The following PTK2B variants were observed in gnomAD, a reference collection of about 807,000 sequenced individuals.
The protein encoded by PTK2B is protein-tyrosine kinase 2-beta.
PTK2B carries 71 observed loss-of-function variants against 142.9 expected under a neutral mutation model. The ratio of observed to expected loss-of-function variants is 0.50; its 90% CI spans 0.41 to 0.61. PTK2B has a LOEUF of 0.61. PTK2B is among the 20% of genes least tolerant of loss of function. The pLI is 0.00. For synonymous variants in PTK2B, 519 were observed against 503.4 expected, an observed-to-expected ratio of 1.03 and a Z score of -0.42; for missense variants, 1,105 against 1,320.4, an observed-to-expected ratio of 0.84 and a Z score of 2.53.
Position 27,458,642 on chromosome 8 carries a change from C to T in PTK2B, c.*133C>T, listed in dbSNP as rs1445043148. 1.8e-5 allele frequency: 16 copies of T among 886,758 alleles called. No individual in the cohort carries two copies. Among genetic ancestry groups the T allele is most frequent in the Admixed American group, 8.9e-5 (4 of 44,724 alleles). 54.9% of individuals were successfully genotyped at this position (886,758 alleles called of 1,614,324 possible). A position where few individuals can be genotyped will look rare whatever the true frequency, so the allele number is the denominator to read the frequency against. On this transcript the variant is annotated 3_prime_UTR_variant, in exon 31 of 31. Coordinates refer to ENST00000346049, the MANE Select transcript of PTK2B (RefSeq NM_173176.3). Reference sequence around the variant, plus strand: ...CACCTTCCCTTGCCACTTTGCACGACGCCCTCTCCCCACCCCTACCCCTGG... The same window carrying T: ...CACCTTCCCTTGCCACTTTGCACGATGCCCTCTCCCCACCCCTACCCCTGG...
upstream of PTK2B, chr8:27,311,452 T>G (rs1802968752): frequency 3.2e-6 from 2 of 619,320 alleles, no homozygotes; most frequent in South Asian, 2.3e-5. Context: ...GCGCGGGAAA[T>G]CTTGGGAGAG....
intron 1 of PTK2B, among the ~76,000 whole-genome samples, chr8:27,347,852 A>C (rs948703246): frequency 1.3e-5 from 2 of 152,190 alleles, no homozygotes; most frequent in Non-Finnish European, 2.9e-5. Context: ...CCTCTCATGC[A>C]TTTGACCCCA....
chr8:27,421,405 C>T (rs1008724605), intron 4 of PTK2B, among the ~76,000 whole-genome samples: 7 of 151,960 alleles, frequency 4.6e-5, no homozygotes, highest in African/African-American at 1.7e-4. Flanking sequence ...GATGTTGGTG[C>T]ACCCATCACC....
chr8:27,344,313 G>A (rs1804588211), intron 1 of PTK2B, among the ~76,000 whole-genome samples: 1 of 152,182 alleles, frequency 6.6e-6, no homozygotes, highest in Admixed American at 6.5e-5. Context: ...CACTATATCA[G>A]CAAGGCAGGT....
chr8:27,450,611 A>G (rs1047089433), intron 24 of PTK2B, 138 bp from the exon 25 acceptor site: 1 of 1,096,340 alleles, frequency 9.1e-7, no homozygotes. Flanking sequence ...TCTGGGTTTA[A>G]GAACAAACTT....
At chr8:27,353,790 G>T (rs183183976) in intron 1 of PTK2B, among the ~76,000 whole-genome samples, 323 of 152,336 alleles carry the variant, frequency 2.1e-3, no homozygotes, top group African/African-American at 7.0e-3. Context: ...GGGTGGCTCT[G>T]TAAGATATTT....
intron 30 of PTK2B, among the ~76,000 whole-genome samples, chr8:27,457,791 A>G (rs1162542480): frequency 6.6e-6 from 1 of 152,154 alleles, no homozygotes; most frequent in Admixed American, 6.5e-5. Flanking sequence ...CCTGGCCAAC[A>G]TGGTGAAACC....
chr8:27,381,106 T>C (rs1806991136), intron 1 of PTK2B, among the ~76,000 whole-genome samples: 1 of 152,238 alleles, frequency 6.6e-6, no homozygotes, highest in East Asian at 1.9e-4. Context: ...CAGAATGATA[T>C]TTGAATACAT....
intron 8 of PTK2B, 189 bp from the exon 9 acceptor site, chr8:27,431,209 A>G: frequency 6.8e-7 from 1 of 1,474,742 alleles, no homozygotes; most frequent in East Asian, 2.4e-5. Flanking sequence ...GTTGGCCTCC[A>G]GCTCTGGGAG....
At chr8:27,311,506 G>C in exon 1 of PTK2B, 1 of 527,416 alleles carries the variant, frequency 1.9e-6, no homozygotes, top group Non-Finnish European at 3.3e-6. Context: ...CTCAGGTCCG[G>C]GCGGGTCCCT....
chr8:27,454,556 T>C lies in PTK2B; in HGVS notation c.2759T>C (p.Leu920Pro). The C allele has an allele frequency of 6.2e-7, 1 of 1,614,186 alleles. No individual in the cohort carries two copies. Among genetic ancestry groups the C allele is most frequent in the Non-Finnish European group, 8.5e-7 (1 of 1,180,026 alleles). Residue 920 changes from leucine (L) to proline (P), a missense_variant, in exon 30 of 31, where the codon CTC (leucine) becomes CCC (proline). Physicochemically the swap from Leu to Pro is moderately conservative, Grantham distance 98. Coordinates refer to ENST00000346049, the MANE Select transcript of PTK2B (RefSeq NM_173176.3). The part of the protein sequence containing the change: ...VKNVGLTLRK[L>P]IGSVDDLLPS... ...AATGTGGGGCTGACCCTGCGGAAGC[T>C]CATCGGGAGCGTGGATGATCTCCTG...
chr8:27,454,403 GCCA>G, intron 29 of PTK2B, 112 bp downstream of exon 29: 1 of 1,555,478 alleles, frequency 6.4e-7, no homozygotes, highest in Non-Finnish European at 8.8e-7. Flanking sequence ...AGCAAGCTGG[GCCA>G]GGGGAATTGA....
intron 1 of PTK2B, among the ~76,000 whole-genome samples, chr8:27,377,076 C>T (rs1047935995): frequency 2.6e-5 from 4 of 152,162 alleles, no homozygotes; most frequent in African/African-American, 4.8e-5. Context: ...CAACTTGTGT[C>T]TCACAGCTCC....
At chr8:27,325,169 G>T (rs75316047), upstream of PTK2B, among the ~76,000 whole-genome samples, 1,509 of 152,294 alleles carry the variant, frequency 9.9e-3, 18 homozygotes, top group Non-Finnish European at 0.015. Flanking sequence ...ACTGCGGGGG[G>T]TCTTGGGAGA....
intron 1 of PTK2B, among the ~76,000 whole-genome samples, chr8:27,370,371 C>T (rs943578223): frequency 2.0e-5 from 3 of 152,176 alleles, no homozygotes; most frequent in African/African-American, 7.2e-5. Flanking sequence ...AATGAAGAGA[C>T]ATGTATATGT....
chr8:27,453,145 G>A lies in PTK2B; in HGVS notation c.2580G>A (p.Pro860=), dbSNP rs753172017. ...LEFTGPPQKP[P]RLGAQSIQPT... Reference sequence around the variant, plus strand: ...TCACAGGGCCCCCACAGAAGCCCCCGAGGCTGGGCGCACAGGTATGTGTTG... The same window carrying A: ...TCACAGGGCCCCCACAGAAGCCCCCAAGGCTGGGCGCACAGGTATGTGTTG... The change falls in exon 28 of 31, where the codon CCG becomes CCA. Residue 860 remains proline, a synonymous_variant. Transcript: ENST00000346049. 5.5e-5 allele frequency: 88 copies of A among 1,614,038 alleles called. 2 individuals carry two copies. In the Middle Eastern group the frequency reaches 5.8e-3, roughly 106 times the overall value.
chr8:27,343,019 G>A (rs1048397386), intron 1 of PTK2B, among the ~76,000 whole-genome samples: 2 of 152,192 alleles, frequency 1.3e-5, no homozygotes, highest in African/African-American at 2.4e-5. Flanking sequence ...CTGAGCTGAT[G>A]TGGCCGAGTG....
chr8:27,424,391 G>C (rs1158345419), intron 5 of PTK2B, among the ~76,000 whole-genome samples: 1 of 152,224 alleles, frequency 6.6e-6, no homozygotes, highest in African/African-American at 2.4e-5. Flanking sequence ...GTCTTGTCAA[G>C]AGTGTAACTG....
At chr8:27,327,368 G>T (rs561824510) in intron 1 of PTK2B, among the ~76,000 whole-genome samples, 1 of 152,220 alleles carries the variant, frequency 6.6e-6, no homozygotes, top group South Asian at 2.1e-4. Flanking sequence ...GCCAATAAAA[G>T]CACGGGACAC....
Sources: allele counts gnomAD v4.1 joint callset (sites outside exome capture counted in the v4.1 genomes callset), GRCh38; gene constraint gnomAD v4.1.1; transcripts MANE v1.5; gene names NCBI Gene and HGNC (gene_info 2026-07-23, HGNC 2026-07-21).